DCAF8L2: variants seen among roughly 807,000 people sequenced by gnomAD.
DCAF8L2 encodes the protein DDB1 and CUL4 associated factor 8 like 2, also known as DDB1- and CUL4-associated factor 8-like protein 2.
For missense variants in DCAF8L2, 430 were observed against 490.7 expected, an observed-to-expected ratio of 0.88 and a Z score of 1.17; for synonymous variants, 200 against 190.9, an observed-to-expected ratio of 1.05 and a Z score of -0.39.
chrX:27,547,820 GCTCTCTCT>G, the DCAF8L2 span, among the ~76,000 whole-genome samples: 9 of 66,652 alleles, frequency 1.4e-4, no homozygotes, highest in African/African-American at 4.9e-4. Flanking sequence ...TTCCCCATTT[GCTCTCTCT>G]CTCTCTCTCT....
At chrX:27,588,606 A>G (rs1213155852), upstream of DCAF8L2, among the ~76,000 whole-genome samples, 1 of 110,833 alleles carries the variant, frequency 9.0e-6, no homozygotes, top group Non-Finnish European at 1.9e-5. Context: ...TAAACAATGT[A>G]TAAACCTTCC....
intron 3 of DCAF8L2, among the ~76,000 whole-genome samples, chrX:27,686,825 C>A (rs935498859): frequency 8.9e-6 from 1 of 112,238 alleles, no homozygotes; most frequent in Non-Finnish European, 1.9e-5. Context: ...AATTTTTCTA[C>A]GGACTGGGTA....
rs985117868 is a variant in DCAF8L2, at chrX:27,630,056, C to A, written c.-341-1823C>A. ...AGTTTACTCCTAAGTATTTTATTTTCTTTTATGCTATTGTAAAAGGGACTG... is the reference window on the plus strand; with the variant it reads ...AGTTTACTCCTAAGTATTTTATTTTATTTTATGCTATTGTAAAAGGGACTG... On this transcript the variant is annotated intron_variant, in intron 1 of 4. Coordinates refer to ENST00000451261, the MANE Select transcript of DCAF8L2 (RefSeq NM_001353450.2). 4.5e-5 allele frequency among the ~76,000 whole-genome samples: 5 copies of A among 111,500 alleles called. No homozygotes were observed. The Admixed American group carries it at 4.8e-4, about 11-fold the overall frequency.
intron 1 of DCAF8L2, among the ~76,000 whole-genome samples, chrX:27,613,609 A>T (rs12014030): frequency 0.08 from 8,880 of 110,719 alleles, 696 homozygotes; most frequent in African/African-American, 0.24. Context: ...AGCTCTTATT[A>T]TTTTGAGATA....
intron 3 of DCAF8L2, among the ~76,000 whole-genome samples, chrX:27,684,802 A>G (rs1242277814): frequency 2.7e-5 from 3 of 111,790 alleles, no homozygotes; most frequent in Non-Finnish European, 5.6e-5. Flanking sequence ...GAGCTCTTAC[A>G]TATGATCCTG....
intron 4 of DCAF8L2, among the ~76,000 whole-genome samples, chrX:27,727,615 T>C (rs1000276992): frequency 5.4e-5 from 6 of 111,623 alleles, no homozygotes; most frequent in African/African-American, 9.7e-5. Flanking sequence ...TCTGTACTTG[T>C]ATTCTTTTAA....
chrX:27,624,101 G>T (rs942955354), intron 1 of DCAF8L2, among the ~76,000 whole-genome samples: 33 of 111,806 alleles, frequency 3.0e-4, no homozygotes, highest in African/African-American at 1.1e-3. Flanking sequence ...AATTAGAATT[G>T]TCAGAGTTTA....
chrX:27,492,424 T>TAC, the DCAF8L2 span, among the ~76,000 whole-genome samples: 1 of 111,624 alleles, frequency 9.0e-6, no homozygotes, highest in African/African-American at 3.2e-5. Context: ...TGTAGAAACC[T>TAC]AATTTTGCAA....
the DCAF8L2 span, among the ~76,000 whole-genome samples, chrX:27,560,724 A>C: frequency 8.9e-6 from 1 of 112,188 alleles, no homozygotes; most frequent in Non-Finnish European, 1.9e-5. Flanking sequence ...AAATAGTTCC[A>C]TTTCTATCAG....
chrX:27,628,665 G>T (rs1195926288), intron 1 of DCAF8L2, among the ~76,000 whole-genome samples: 1 of 106,215 alleles, frequency 9.4e-6, no homozygotes, highest in Non-Finnish European at 1.9e-5. Flanking sequence ...GTGCAGTGGC[G>T]CGATCTCGGC....
At chrX:27,696,276 A>G (rs867690579) in intron 3 of DCAF8L2, among the ~76,000 whole-genome samples, 1 of 27,127 alleles carries the variant, frequency 3.7e-5, no homozygotes, top group Admixed American at 3.4e-4. Context: ...GAGAGAAAGA[A>G]AGAAAGAAAG....
intron 1 of DCAF8L2, among the ~76,000 whole-genome samples, chrX:27,594,001 AT>A (rs751212899): frequency 8.9e-6 from 1 of 112,343 alleles, no homozygotes; most frequent in Non-Finnish European, 1.9e-5. Context: ...AATACCTTAA[AT>A]TTTTTTATAA....
At chrX:27,545,990 C>G in the DCAF8L2 span, among the ~76,000 whole-genome samples, 1 of 111,847 alleles carries the variant, frequency 8.9e-6, no homozygotes, top group Non-Finnish European at 1.9e-5. Context: ...AAATTCTTAA[C>G]TCATTTCAGC....
intron 4 of DCAF8L2, among the ~76,000 whole-genome samples, chrX:27,733,018 C>T (rs943826507): frequency 2.7e-5 from 3 of 110,379 alleles, no homozygotes; most frequent in African/African-American, 6.6e-5. Flanking sequence ...CCACCATGCC[C>T]GGCTAATTTT....
the DCAF8L2 span, among the ~76,000 whole-genome samples, chrX:27,526,200 T>A: frequency 8.9e-6 from 1 of 112,042 alleles, no homozygotes; most frequent in Non-Finnish European, 1.9e-5. Context: ...CATAGTCCCA[T>A]ATTTCTTGGA....
At chrX:27,508,955 A>G in the DCAF8L2 span, among the ~76,000 whole-genome samples, 2 of 110,855 alleles carry the variant, frequency 1.8e-5, no homozygotes, top group African/African-American at 3.3e-5. Flanking sequence ...ACACACACCC[A>G]TAATTCCTTG....
chrX:27,618,742 C>G (rs759751390), intron 1 of DCAF8L2, among the ~76,000 whole-genome samples: 23 of 111,351 alleles, frequency 2.1e-4, no homozygotes, highest in Admixed American at 2.0e-3. Flanking sequence ...AACTTGAATA[C>G]GTGTTCAAAA....
At chrX:27,514,215 C>A in the DCAF8L2 span, among the ~76,000 whole-genome samples, 1 of 74,144 alleles carries the variant, frequency 1.3e-5, no homozygotes. Flanking sequence ...TGTATGTGTG[C>A]TATGTACCTA....
intron 2 of DCAF8L2, among the ~76,000 whole-genome samples, chrX:27,640,705 A>T (rs1273614134): frequency 3.6e-5 from 4 of 112,374 alleles, no homozygotes; most frequent in Non-Finnish European, 5.6e-5. Context: ...ACGGCAATGT[A>T]TGAGAGATCC....
Sources: gnomAD v4.1 joint callset for allele counts (sites outside exome capture counted in the v4.1 genomes callset) on GRCh38, gnomAD v4.1.1 for gene constraint, MANE v1.5 for transcripts, NCBI Gene and HGNC (gene_info 2026-07-23, HGNC 2026-07-21) for gene names.